CFAP299: variants seen among roughly 807,000 people sequenced by gnomAD.
The protein encoded by CFAP299 is cilia- and flagella-associated protein 299.
In CFAP299, 21 loss-of-function variants were observed where a neutral mutation model predicts 27.0. The ratio of observed to expected loss-of-function variants is 0.78; its 90% CI spans 0.55 to 1.12. The LOEUF is 1.12. Ranked by LOEUF, CFAP299 falls within the 50% of genes most tolerant of loss-of-function variation. The pLI is 0.00. For missense variants in CFAP299, 310 were observed against 276.6 expected, an observed-to-expected ratio of 1.12 and a Z score of -0.86; for synonymous variants, 104 against 98.1, an observed-to-expected ratio of 1.06 and a Z score of -0.36.
chr4:80,881,117 T>G (rs1041962587), intron 4 of CFAP299, among the ~76,000 whole-genome samples: 1 of 151,986 alleles, frequency 6.6e-6, no homozygotes, highest in African/African-American at 2.4e-5. Flanking sequence ...AGGAAGAAAG[T>G]GAAGGGAATT....
rs1578390768 is a variant in CFAP299, at chr4:80,390,878, T to TATATATGTATATGCGCACATATATGC, written c.242+28006_242+28007insGCGCACATATATGCATATATGTATAT. The stretch of plus-strand genomic sequence containing the variant: ...GTATATGTATATGCGCACATATATG[T>TATATATGTATATGCGCACATATATGC]ATATATGTATATACACACATATGCA... On this transcript the variant is annotated intron_variant, in intron 2 of 5. Coordinates refer to ENST00000358105, the MANE Select transcript of CFAP299 (RefSeq NM_152770.3). Among the ~76,000 whole-genome samples the TATATATGTATATGCGCACATATATGC allele has an allele frequency of 4.5e-5, 3 of 66,698 alleles. No individual in the cohort carries two copies. In the East Asian group the frequency reaches 1.4e-3, roughly 32 times the overall value. 43.8% of individuals were successfully genotyped at this position (66,698 alleles called of 152,430 possible). A position where few individuals can be genotyped will look rare whatever the true frequency, so the allele number is the denominator to read the frequency against.
intron 4 of CFAP299, among the ~76,000 whole-genome samples, chr4:80,875,339 T>C (rs1161906970): frequency 6.6e-6 from 1 of 152,180 alleles, no homozygotes; most frequent in Non-Finnish European, 1.5e-5. Context: ...CAAAATATCT[T>C]GGACTTGAAA....
chr4:80,466,960 G>A (rs1464602755), intron 2 of CFAP299, among the ~76,000 whole-genome samples: 1 of 152,182 alleles, frequency 6.6e-6, no homozygotes, highest in Non-Finnish European at 1.5e-5. Context: ...GTCAATTACA[G>A]GGGAGAGATG....
At chr4:80,467,681 A>G (rs1399637701) in intron 2 of CFAP299, among the ~76,000 whole-genome samples, 2 of 152,218 alleles carry the variant, frequency 1.3e-5, no homozygotes, top group African/African-American at 4.8e-5. Context: ...GCTAAGTGCT[A>G]TGATACAGGT....
chr4:80,905,592 G>C lies in CFAP299; in HGVS notation c.476+35457G>C, dbSNP rs2005386. Among the ~76,000 whole-genome samples, 1,179 of 152,226 alleles carry C rather than the reference G, an allele frequency of 7.7e-3. 3 individuals carry two copies. The highest frequency in any genetic ancestry group is 0.014 in the Middle Eastern group (4 of 294). On this transcript the variant is annotated intron_variant, in intron 4 of 5. Transcript: ENST00000358105. Reference sequence around the variant, plus strand: ...TGCCCAAGACAGGGTAATTTATAAAGGAAGGATGTTTAATTGACTCACAGT... The same window carrying C: ...TGCCCAAGACAGGGTAATTTATAAACGAAGGATGTTTAATTGACTCACAGT...
intron 3 of CFAP299, among the ~76,000 whole-genome samples, chr4:80,635,994 A>G (rs1739451523): frequency 6.6e-6 from 1 of 152,196 alleles, no homozygotes; most frequent in Admixed American, 6.5e-5. Context: ...ACTGATACTA[A>G]AAGGAAATGT....
chr4:80,890,062 T>A (rs1295248754), intron 4 of CFAP299, among the ~76,000 whole-genome samples: 1 of 151,968 alleles, frequency 6.6e-6, no homozygotes, highest in East Asian at 1.9e-4. Flanking sequence ...CCCTCTTATA[T>A]CAGGAACATG....
chr4:80,392,106 G>GCC (rs1725516525), intron 2 of CFAP299, among the ~76,000 whole-genome samples: 1 of 152,156 alleles, frequency 6.6e-6, no homozygotes, highest in South Asian at 2.1e-4. Context: ...TTGGCCTGTA[G>GCC]CCCTTTCATT....
chr4:80,784,240 C>T (rs541280019), intron 3 of CFAP299, among the ~76,000 whole-genome samples: 1 of 151,940 alleles, frequency 6.6e-6, no homozygotes, highest in Admixed American at 6.6e-5. Context: ...GTGTATATAC[C>T]CAGAGGAAGG....
intron 2 of CFAP299, among the ~76,000 whole-genome samples, chr4:80,381,211 T>C (rs1457206919): frequency 6.6e-6 from 1 of 152,222 alleles, no homozygotes; most frequent in Admixed American, 6.5e-5. Flanking sequence ...TTCACTGAAT[T>C]CTATTTCCCA....
chr4:80,732,603 A>G (rs1723602608), intron 3 of CFAP299, among the ~76,000 whole-genome samples: 1 of 152,146 alleles, frequency 6.6e-6, no homozygotes, highest in South Asian at 2.1e-4. Flanking sequence ...TCTTCCTTCC[A>G]TCACAAACTC....
chr4:80,579,288 G>A (rs990760432), intron 2 of CFAP299, among the ~76,000 whole-genome samples: 1 of 152,180 alleles, frequency 6.6e-6, no homozygotes. Context: ...ACACGCCTTA[G>A]AAGGCGCAAA....
intron 3 of CFAP299, among the ~76,000 whole-genome samples, chr4:80,724,182 A>G (rs1157742100): frequency 6.6e-6 from 1 of 152,104 alleles, no homozygotes; most frequent in African/African-American, 2.4e-5. Flanking sequence ...CTTTCAAAAT[A>G]TTTCTGGATT....
At chr4:80,961,652 A>G (rs1201900660) in intron 5 of CFAP299, among the ~76,000 whole-genome samples, 1 of 151,900 alleles carries the variant, frequency 6.6e-6, no homozygotes, top group Non-Finnish European at 1.5e-5. Context: ...GCATCTAGAC[A>G]CACAGACACA....
chr4:80,942,343 A>G (rs1737240991), intron 4 of CFAP299, among the ~76,000 whole-genome samples: 1 of 152,086 alleles, frequency 6.6e-6, no homozygotes, highest in Admixed American at 6.5e-5. Context: ...CCAAGTGGTC[A>G]TTTTCCTGTC....
intron 3 of CFAP299, among the ~76,000 whole-genome samples, chr4:80,696,644 A>G (rs184944178): frequency 6.6e-5 from 10 of 152,304 alleles, no homozygotes; most frequent in Admixed American, 1.3e-4. Flanking sequence ...TGATAAATGT[A>G]AAAGGGAATA....
rs570052129 is a variant in CFAP299 at position 80,615,278 on chromosome 4, T to C, written c.333+32095T>C. ...TGCAGAATTTAGAAATCGCCGGCTA[T>C]CTACTGGTCAAATATTGTTCATTGG... On this transcript the variant is annotated intron_variant, in intron 3 of 5. Transcript: ENST00000358105. Among the ~76,000 whole-genome samples, 131 of 152,276 alleles carry C rather than the reference T, an allele frequency of 8.6e-4. 1 individual carries two copies. The highest frequency in any genetic ancestry group is 1.0e-3 in the Non-Finnish European group (69 of 68,022).
chr4:80,767,616 T>A (rs1029631084), intron 3 of CFAP299, among the ~76,000 whole-genome samples: 6 of 151,936 alleles, frequency 3.9e-5, no homozygotes, highest in South Asian at 2.1e-4. Flanking sequence ...CTCAAAAAAA[T>A]TAAAAAAATA....
intron 3 of CFAP299, among the ~76,000 whole-genome samples, chr4:80,812,370 A>T (rs72880000): frequency 4.6e-5 from 7 of 152,054 alleles, no homozygotes; most frequent in Middle Eastern, 3.2e-3. Flanking sequence ...TTGTATGCCA[A>T]GGGCTAACAT....
Sources: gnomAD v4.1 joint callset for allele counts (sites outside exome capture counted in the v4.1 genomes callset) on GRCh38, gnomAD v4.1.1 for gene constraint, MANE v1.5 for transcripts, NCBI Gene and HGNC (gene_info 2026-07-23, HGNC 2026-07-21) for gene names.